Variants in PRKAR1B observed in about 807,000 individuals in gnomAD.
PRKAR1B encodes the protein protein kinase cAMP-dependent type I regulatory subunit beta, also known as cAMP-dependent protein kinase type I-beta regulatory subunit.
A neutral mutation model predicts 46.5 loss-of-function variants in PRKAR1B; 22 were observed. The ratio of observed to expected loss-of-function variants is 0.47; its 90% CI spans 0.34 to 0.68. The LOEUF (loss-of-function observed/expected upper bound fraction) is 0.68. Among genes scored for constraint, PRKAR1B ranks in the 30% least tolerant of loss-of-function variants. PRKAR1B has a pLI of 0.01. For synonymous variants in PRKAR1B, 259 were observed against 217.7 expected (o/e 1.19, Z -1.67); for missense variants, 445 against 535.6 (o/e 0.83, Z 1.67).
chr7:638,815 G>A (rs922081855), intron 4 of PRKAR1B, among the ~76,000 whole-genome samples: 1 of 152,208 alleles, frequency 6.6e-6, no homozygotes, highest in South Asian at 2.1e-4. Flanking sequence ...GGGGGCTCAC[G>A]CCTGTAGTCC....
intron 9 of PRKAR1B, among the ~76,000 whole-genome samples, chr7:575,936 G>A (rs1342778643): frequency 6.6e-6 from 1 of 152,302 alleles, no homozygotes; most frequent in Admixed American, 6.5e-5. Context: ...CTGCTCACGG[G>A]CGAACATGAC....
At chr7:686,584 G>A (rs1179100686) in intron 2 of PRKAR1B, among the ~76,000 whole-genome samples, 1 of 152,058 alleles carries the variant, frequency 6.6e-6, no homozygotes, top group African/African-American at 2.4e-5. Context: ...TGCAGTTAGA[G>A]ATTTTATTAA....
At chr7:577,115 G>A (rs990576199) in intron 9 of PRKAR1B, among the ~76,000 whole-genome samples, 44 of 151,362 alleles carry the variant, frequency 2.9e-4, no homozygotes, top group Admixed American at 2.2e-3. Flanking sequence ...CTCGTCCAAC[G>A]CCATCAGCGG....
intron 4 of PRKAR1B, among the ~76,000 whole-genome samples, chr7:646,736 T>C (rs551921365): frequency 2.0e-5 from 3 of 152,360 alleles, no homozygotes; most frequent in Non-Finnish European, 4.4e-5. Flanking sequence ...CTCAGCATCC[T>C]ACGACGGGGC....
chr7:618,770 T>C (rs1782964322), intron 4 of PRKAR1B, among the ~76,000 whole-genome samples: 1 of 152,228 alleles, frequency 6.6e-6, no homozygotes, highest in African/African-American at 2.4e-5. Flanking sequence ...CCTTCTTTCC[T>C]GCTGATTTGC....
At chr7:638,558 C>T (rs1784240478) in intron 4 of PRKAR1B, among the ~76,000 whole-genome samples, 1 of 152,074 alleles carries the variant, frequency 6.6e-6, no homozygotes, top group African/African-American at 2.4e-5. Flanking sequence ...GACCCTTCCT[C>T]AATGCCAGCC....
chr7:555,428 G>A (rs1175357521), intron 9 of PRKAR1B, among the ~76,000 whole-genome samples: 5 of 152,190 alleles, frequency 3.3e-5, no homozygotes, highest in Non-Finnish European at 4.4e-5. Context: ...TTTGGAAATC[G>A]GCAGCATAAT....
intron 4 of PRKAR1B, among the ~76,000 whole-genome samples, chr7:611,581 G>T (rs1381103530): frequency 6.6e-6 from 1 of 152,210 alleles, no homozygotes; most frequent in Non-Finnish European, 1.5e-5. Context: ...CTCACTCCAC[G>T]GATGGCTTCC....
At chr7:691,575 C>G (rs763082693) in intron 2 of PRKAR1B, 17 of 1,304,330 alleles carry the variant, frequency 1.3e-5, no homozygotes, top group Middle Eastern at 4.2e-4. Flanking sequence ...TCCGCCTACA[C>G]GCAGTCCTTT....
chr7:678,502 A>T (rs182234623), intron 3 of PRKAR1B, among the ~76,000 whole-genome samples: 74 of 152,272 alleles, frequency 4.9e-4, no homozygotes, highest in African/African-American at 1.8e-3. Flanking sequence ...GCACCCTTTG[A>T]TCAACAATTC....
intron 4 of PRKAR1B, among the ~76,000 whole-genome samples, chr7:616,661 G>A (rs1002649783): frequency 2.0e-5 from 3 of 152,140 alleles, no homozygotes; most frequent in South Asian, 2.1e-4. Flanking sequence ...AGGGTCCGTC[G>A]GCCTCCCTCC....
At chr7:654,207 TC>T (rs1313491272) in intron 4 of PRKAR1B, among the ~76,000 whole-genome samples, 1 of 149,138 alleles carries the variant, frequency 6.7e-6, no homozygotes, top group Non-Finnish European at 1.5e-5. Context: ...ACTATCACCA[TC>T]ATTATCACCA....
chr7:576,473 G>C (rs1379083252), intron 9 of PRKAR1B, among the ~76,000 whole-genome samples: 1 of 152,202 alleles, frequency 6.6e-6, no homozygotes, highest in Non-Finnish European at 1.5e-5. Context: ...TGTCCGTGCA[G>C]CCTGCTGTAC....
chr7:582,132 C>A (rs28439657), intron 8 of PRKAR1B, among the ~76,000 whole-genome samples: 1 of 151,950 alleles, frequency 6.6e-6, no homozygotes, highest in African/African-American at 2.4e-5. Flanking sequence ...AGCCACAGGA[C>A]GAGACGTCGT....
At chr7:677,133 G>A in intron 4 of PRKAR1B, 96 bp downstream of exon 4, 1 of 1,167,582 alleles carries the variant, frequency 8.6e-7, no homozygotes, top group Non-Finnish European at 1.3e-6. Flanking sequence ...GCCAGGGAGG[G>A]AGGCAGTGAT....
At chr7:727,507 T>G, upstream of PRKAR1B, 5 of 230,516 alleles carry the variant, frequency 2.2e-5, no homozygotes, top group African/African-American at 3.1e-5. Context: ...GGCCCCCTCC[T>G]CCCACCACCA....
Position 673,069 on chromosome 7 carries a change from A to C in PRKAR1B, c.440+4160T>G, listed in dbSNP as rs1447082690. ...TTAAAAAAAAAAAAAAAAAAAAAAA[A>C]AAAAAAAAACACACACACACAGAAT... On this transcript the variant is annotated intron_variant, in intron 4 of 10. Coordinates refer to ENST00000537384, the MANE Select transcript of PRKAR1B (RefSeq NM_001164760.2). 6.6e-4 allele frequency among the ~76,000 whole-genome samples: 95 copies of C among 144,078 alleles called. 2 individuals are homozygous for C. The highest frequency in any genetic ancestry group is 2.2e-3 in the African/African-American group (84 of 38,308). The allele number at this position is 144,078 out of a possible 152,430, so 94.5% of individuals were successfully genotyped here. A position where few individuals can be genotyped will look rare whatever the true frequency, so the allele number is the denominator to read the frequency against.
intron 9 of PRKAR1B, among the ~76,000 whole-genome samples, chr7:577,213 T>C (rs1188359217): frequency 1.3e-5 from 2 of 152,154 alleles, no homozygotes; most frequent in East Asian, 3.9e-4. Flanking sequence ...TTTGCCGAAG[T>C]TGCCAAACAT....
intron 4 of PRKAR1B, among the ~76,000 whole-genome samples, chr7:655,683 C>T (rs892841910): frequency 3.9e-5 from 6 of 152,180 alleles, no homozygotes; most frequent in East Asian, 1.9e-4. Flanking sequence ...TGCAGCCCCT[C>T]GGGCAGGGCC....
Sources: gnomAD v4.1 joint callset for allele counts (sites outside exome capture counted in the v4.1 genomes callset) on GRCh38, gnomAD v4.1.1 for gene constraint, MANE v1.5 for transcripts, NCBI Gene and HGNC (gene_info 2026-07-23, HGNC 2026-07-21) for gene names.